CADM1: variants seen among roughly 807,000 people sequenced by gnomAD.
CADM1 encodes the protein cell adhesion molecule 1, also known as TSLC-1.
Under a neutral mutation model 53.1 loss-of-function variants are expected in CADM1, and 15 were observed. That is an observed-to-expected ratio of 0.28 (90% confidence interval 0.19 to 0.44). The LOEUF is 0.44. Among genes scored for constraint, CADM1 ranks in the 20% least tolerant of loss-of-function variants. CADM1 has a pLI of 1.00. For missense variants in CADM1, 434 were observed against 611.3 expected (o/e 0.71, Z 3.06); for synonymous variants, 281 against 243.0 (o/e 1.16, Z -1.45).
chr11:115,389,499 A>G (rs1453215659), intron 1 of CADM1, among the ~76,000 whole-genome samples: 1 of 152,226 alleles, frequency 6.6e-6, no homozygotes, highest in Non-Finnish European at 1.5e-5. Flanking sequence ...GTTTTCAAAA[A>G]CTGAGGAGAA....
intron 1 of CADM1, among the ~76,000 whole-genome samples, chr11:115,268,723 G>T (rs765791160): frequency 3.9e-5 from 6 of 152,304 alleles, no homozygotes; most frequent in South Asian, 2.1e-4. Context: ...GATGTGCTGC[G>T]AAGCGGCTTT....
intron 1 of CADM1, among the ~76,000 whole-genome samples, chr11:115,362,965 T>G (rs1198395746): frequency 6.6e-6 from 1 of 152,170 alleles, no homozygotes; most frequent in Non-Finnish European, 1.5e-5. Flanking sequence ...GTGACAGAAA[T>G]ATAGAGCAAA....
chr11:115,417,955 G>A (rs1309219361), intron 1 of CADM1, among the ~76,000 whole-genome samples: 2 of 150,472 alleles, frequency 1.3e-5, no homozygotes, highest in Non-Finnish European at 3.0e-5. Flanking sequence ...ATTATAGTGT[G>A]GATCTGATTA....
intron 1 of CADM1, among the ~76,000 whole-genome samples, chr11:115,336,785 T>C (rs1310761692): frequency 6.6e-6 from 1 of 152,156 alleles, no homozygotes; most frequent in Non-Finnish European, 1.5e-5. Context: ...TCCAACTTTT[T>C]CTTAAAGAAG....
At position 115,409,375 on chromosome 11, in the gene CADM1, C is replaced by T. The variant is rs1229477750; in HGVS notation, c.124+94896G>A. The stretch of plus-strand genomic sequence containing the variant: ...TCAAAGGAGATTTCTTAAGAATTCC[C>T]GTTCTTCACTTTATCCCTTATTTTT... On this transcript the variant is annotated intron_variant, in intron 1 of 11. Transcript: ENST00000331581. 4.6e-5 allele frequency among the ~76,000 whole-genome samples: 7 copies of T among 152,132 alleles called. No individual in the cohort carries two copies. In the East Asian group the frequency reaches 5.8e-4, roughly 13 times the overall value.
intron 1 of CADM1, among the ~76,000 whole-genome samples, chr11:115,357,179 G>GC (rs528704957): frequency 2.6e-3 from 392 of 152,216 alleles, no homozygotes; most frequent in Non-Finnish European, 4.6e-3. Context: ...AGATGTGCTG[G>GC]CAGAAGCCCA....
intron 1 of CADM1, among the ~76,000 whole-genome samples, chr11:115,423,506 A>G (rs1394813362): frequency 6.6e-6 from 1 of 152,232 alleles, no homozygotes; most frequent in Non-Finnish European, 1.5e-5. Context: ...TTAATACATT[A>G]TAAGCATTTC....
intron 1 of CADM1, among the ~76,000 whole-genome samples, chr11:115,280,867 C>G (rs904331977): frequency 6.6e-6 from 1 of 152,170 alleles, no homozygotes; most frequent in Non-Finnish European, 1.5e-5. Flanking sequence ...TGATTAATGA[C>G]GAGGAATTCT....
At chr11:115,431,703 G>T (rs1375548916) in intron 1 of CADM1, among the ~76,000 whole-genome samples, 2 of 151,722 alleles carry the variant, frequency 1.3e-5, no homozygotes, top group Non-Finnish European at 2.9e-5. Context: ...GTTCCCTCTG[G>T]AAAGTTCTTC....
rs1026049121 is a variant in CADM1, at chr11:115,172,260, C to T, written c.*4214G>A. 2.6e-5 allele frequency: 4 copies of T among 152,276 alleles called. No individual in the cohort carries two copies. The highest frequency in any genetic ancestry group is 5.9e-5 in the Non-Finnish European group (4 of 68,076). The allele number at this position is 152,276 out of a possible 1,614,324, so 9.4% of individuals were successfully genotyped here. On this transcript the variant is annotated 3_prime_UTR_variant, in exon 12 of 12. Coordinates refer to ENST00000331581, the MANE Select transcript of CADM1 (RefSeq NM_001301043.2). ...TTTATAGAGATGCAATGAATGAGTA[C>T]TCCCTACTGCTCCTTGCCCTCTGGC... is the stretch of plus-strand genomic sequence containing the variant.
At chr11:115,439,943 G>A (rs962168240) in intron 1 of CADM1, among the ~76,000 whole-genome samples, 1 of 152,120 alleles carries the variant, frequency 6.6e-6, no homozygotes, top group Non-Finnish European at 1.5e-5. Flanking sequence ...TCTGTTCCCT[G>A]AATTAACAGC....
Position 115,428,776 on chromosome 11 carries a change from T to C in CADM1, c.124+75495A>G, listed in dbSNP as rs867130143. The stretch of plus-strand genomic sequence containing the variant: ...AGAGAAAAAAAACTAGCAGTGTGTG[T>C]GTGCGTGTGTGTGTGTGTGTGTACG... On this transcript the variant is annotated intron_variant, in intron 1 of 11. Coordinates refer to ENST00000331581, the MANE Select transcript of CADM1 (RefSeq NM_001301043.2). Among the ~76,000 whole-genome samples the C allele has an allele frequency of 1.9e-4, 6 of 31,230 alleles. No individual in the cohort carries two copies. The South Asian group carries it at 2.6e-3, about 14-fold the overall frequency. 20.5% of individuals were successfully genotyped at this position (31,230 alleles called of 152,430 possible).
intron 10 of CADM1, among the ~76,000 whole-genome samples, chr11:115,181,227 C>T (rs1939298060): frequency 6.6e-6 from 1 of 152,040 alleles, no homozygotes; most frequent in South Asian, 2.1e-4. Context: ...AAAAACCTCC[C>T]TCAAACAAAA....
intron 1 of CADM1, among the ~76,000 whole-genome samples, chr11:115,319,129 T>A (rs941993619): frequency 4.6e-5 from 7 of 152,148 alleles, no homozygotes; most frequent in African/African-American, 1.7e-4. Flanking sequence ...AAACATCCAT[T>A]CTTCTTTCTG....
In CADM1 at chr11:115,175,733, C is replaced by A. The variant is rs1938997465; in HGVS notation, c.*741G>T. 3.0e-6 allele frequency: 3 copies of A among 988,152 alleles called. No individual in the cohort carries two copies. Among genetic ancestry groups the A allele is most frequent in the Non-Finnish European group, 3.6e-6 (3 of 831,718 alleles). The allele number at this position is 988,152 out of a possible 1,614,324, so 61.2% of individuals were successfully genotyped here. ...TGAAATTCAATCTCATTGTGACACA[C>A]CTCACTTGCAGATAACCCTGTACAG... On this transcript the variant is annotated 3_prime_UTR_variant, in exon 12 of 12. Transcript: ENST00000331581.
intron 1 of CADM1, among the ~76,000 whole-genome samples, chr11:115,381,440 G>T (rs1946576881): frequency 6.6e-6 from 1 of 152,136 alleles, no homozygotes; most frequent in Non-Finnish European, 1.5e-5. Flanking sequence ...AGACAGTAAT[G>T]CACAAGGTTA....
intron 10 of CADM1, among the ~76,000 whole-genome samples, chr11:115,181,566 A>T (rs1290616292): frequency 6.6e-6 from 1 of 152,196 alleles, no homozygotes; most frequent in Non-Finnish European, 1.5e-5. Flanking sequence ...AAGGTAACTG[A>T]TGTTTAATTT....
intron 1 of CADM1, among the ~76,000 whole-genome samples, chr11:115,416,686 G>GT (rs2135259834): frequency 7.1e-6 from 1 of 140,942 alleles, no homozygotes; most frequent in South Asian, 2.2e-4. Context: ...CTGGTCAGTT[G>GT]TAAGGATTAA....
At chr11:115,461,340 T>C (rs1442758089) in intron 1 of CADM1, among the ~76,000 whole-genome samples, 4 of 152,004 alleles carry the variant, frequency 2.6e-5, no homozygotes, top group African/African-American at 9.7e-5. Flanking sequence ...TCTCAAAGAA[T>C]GGATATGGGA....
Sources: gnomAD v4.1 joint callset for allele counts (sites outside exome capture counted in the v4.1 genomes callset) on GRCh38, gnomAD v4.1.1 for gene constraint, MANE v1.5 for transcripts, NCBI Gene and HGNC (gene_info 2026-07-23, HGNC 2026-07-21) for gene names.